The following ITSN2 variants were observed in gnomAD, a reference collection of about 807,000 sequenced individuals.
The protein encoded by ITSN2 is intersectin-2.
ITSN2 carries 156 observed loss-of-function variants against 243.7 expected under a neutral mutation model. The ratio of observed to expected loss-of-function variants is 0.64; its 90% confidence interval spans 0.56 to 0.73. The LOEUF is 0.73. Ranked by LOEUF, ITSN2 falls within the 30% of genes least tolerant of loss-of-function variation. ITSN2 has a pLI of 0.00. For synonymous variants in ITSN2, 703 were observed against 699.9 expected (o/e 1.00, Z -0.07); for missense variants, 1,801 against 1,996.1 (o/e 0.90, Z 1.86).
chr2:24,209,070 C>T, intron 36 of ITSN2, 30 bp downstream of exon 36: 1 of 1,611,392 alleles, frequency 6.2e-7, no homozygotes, highest in Non-Finnish European at 8.5e-7. Flanking sequence ...TCCCAGAGTT[C>T]AAGGCAGGCC....
Position 24,248,900 on chromosome 2 carries a change from C to T in ITSN2, c.3121-18G>A, listed in dbSNP as rs375754280. On this transcript the variant is annotated intron_variant, in intron 25 of 39. Transcript: ENST00000355123. ...CCAAAACTCTACAAGGAAAAGATAC[C>T]GTGTTGTTTTATTATTTCCAACAAT... 193 of 1,610,738 alleles carry T rather than the reference C, an allele frequency of 1.2e-4. No individual in the cohort carries two copies. The African/African-American group carries it at 1.9e-3, about 16-fold the overall frequency.
chr2:24,245,724 C>G (rs1673278887), intron 29 of ITSN2, among the ~76,000 whole-genome samples: 1 of 152,132 alleles, frequency 6.6e-6, no homozygotes, highest in Non-Finnish European at 1.5e-5. Flanking sequence ...AGGGATCCTG[C>G]GTGCCTTGGC....
At chr2:24,324,310 G>A (rs952495029) in intron 2 of ITSN2, among the ~76,000 whole-genome samples, 66 of 151,528 alleles carry the variant, frequency 4.4e-4, no homozygotes, top group African/African-American at 1.3e-3. Context: ...ATATACCCCC[G>A]GGCAGTGATG....
chr2:24,308,484 C>G (rs1028877528), intron 8 of ITSN2, 133 bp downstream of exon 8: 1 of 507,440 alleles, frequency 2.0e-6, no homozygotes, highest in Non-Finnish European at 3.3e-6. Flanking sequence ...TTGTATTTAT[C>G]AAATGCCTGC....
At chr2:24,303,650 A>C in intron 9 of ITSN2, 149 bp downstream of exon 9, 1 of 622,936 alleles carries the variant, frequency 1.6e-6, no homozygotes, top group South Asian at 2.0e-5. Context: ...CTCCAAGCTT[A>C]ATACTAACTT....
At chr2:24,314,031 A>G (rs1683604377) in intron 3 of ITSN2, among the ~76,000 whole-genome samples, 1 of 152,190 alleles carries the variant, frequency 6.6e-6, no homozygotes, top group Non-Finnish European at 1.5e-5. Flanking sequence ...TCCCACTGAG[A>G]CAAGGGACAA....
chr2:24,209,143 T>C lies in ITSN2; in HGVS notation c.4552A>G (p.Ile1518Val). ...GTTCGGAGGGTGTAGACCCGATCAATGTGGGAAATGTGGAAGACAGGCTCA... is the reference window on the plus strand; with the variant it reads ...GTTCGGAGGGTGTAGACCCGATCAACGTGGGAAATGTGGAAGACAGGCTCA... Reference protein sequence around the residue: ...SDEPVFHISHIDRVYTLRTDN... With the variant: ...SDEPVFHISHVDRVYTLRTDN... Residue 1518 changes from isoleucine to valine, a missense_variant, in exon 36 of 40, where the codon ATT (isoleucine) becomes GTT (valine). Ile to Val is a conservative substitution (Grantham distance 29). Around this residue, in one of 5 missense-constraint regions of ITSN2, gnomAD observed 928 missense variants for 1,065.4 expected, o/e 0.87. Transcript: ENST00000355123. 1 of 1,614,020 alleles carries C rather than the reference T, an allele frequency of 6.2e-7. No homozygotes were observed.
chr2:24,336,554 C>T (rs1686399484), intron 1 of ITSN2, among the ~76,000 whole-genome samples: 1 of 152,140 alleles, frequency 6.6e-6, no homozygotes, highest in Non-Finnish European at 1.5e-5. Context: ...GAAACAGTAA[C>T]TTTTGTTCTC....
chr2:24,267,059 A>T (rs1222477143), intron 20 of ITSN2, among the ~76,000 whole-genome samples: 1 of 152,228 alleles, frequency 6.6e-6, no homozygotes, highest in Non-Finnish European at 1.5e-5. Flanking sequence ...AATGCTCAGC[A>T]TTGTACCTGA....
intron 1 of ITSN2, chr2:24,334,550 G>C (rs1574350820): frequency 6.8e-6 from 6 of 888,376 alleles, no homozygotes; most frequent in Admixed American, 1.7e-5. Context: ...CTTTCTGTAA[G>C]AAGTGTGGCA....
intron 17 of ITSN2, among the ~76,000 whole-genome samples, chr2:24,279,661 C>T (rs1209003407): frequency 6.6e-6 from 1 of 150,790 alleles, no homozygotes; most frequent in East Asian, 1.9e-4. Flanking sequence ...GACTAGAGTT[C>T]ACTTTTTTAG....
chr2:24,350,226 T>C (rs940659731), intron 1 of ITSN2, among the ~76,000 whole-genome samples: 1 of 152,160 alleles, frequency 6.6e-6, no homozygotes, highest in African/African-American at 2.4e-5. Flanking sequence ...AGGAAAAGCT[T>C]CTGATCTAGT....
Position 24,300,064 on chromosome 2 carries a change from C to CT in ITSN2, c.1188dup (p.Ala397SerfsTer25). 6.2e-7 allele frequency: 1 copy of CT among 1,614,088 alleles called. No individual in the cohort carries two copies. Among genetic ancestry groups the CT allele is most frequent in the Non-Finnish European group, 8.5e-7 (1 of 1,180,022 alleles). ...TCCCACTCTTCCTTTTCTTTCTGGG[C>CT]TTTACGTTCTGCCTCCCTTTGTTGC... On this transcript the variant is annotated frameshift_variant, in exon 12 of 40. Transcript: ENST00000355123. LOFTEE classifies it high-confidence loss of function.
chr2:24,282,527 AG>A (rs1257879435), intron 17 of ITSN2, among the ~76,000 whole-genome samples: 1 of 152,202 alleles, frequency 6.6e-6, no homozygotes, highest in African/African-American at 2.4e-5. Context: ...CCTTGTGATA[AG>A]GAAGGGGGTC....
At chr2:24,213,719 A>G (rs1288760833) in intron 32 of ITSN2, among the ~76,000 whole-genome samples, 1 of 152,130 alleles carries the variant, frequency 6.6e-6, no homozygotes, top group Non-Finnish European at 1.5e-5. Flanking sequence ...TTACATCATT[A>G]TTTTAAAACA....
At chr2:24,214,159 G>A (rs1275128226) in intron 32 of ITSN2, among the ~76,000 whole-genome samples, 1 of 152,182 alleles carries the variant, frequency 6.6e-6, no homozygotes, top group Non-Finnish European at 1.5e-5. Context: ...ATTTGGTTAT[G>A]ATAGGCTCTT....
intron 15 of ITSN2, among the ~76,000 whole-genome samples, chr2:24,288,622 C>G (rs2891382): frequency 0.21 from 31,556 of 151,956 alleles, 3,539 homozygotes; most frequent in Non-Finnish European, 0.26. Context: ...TGGCTAAATT[C>G]AGCTAATTAA....
Position 24,302,108 on chromosome 2 carries a change from G to A in ITSN2, c.858-6C>T, listed in dbSNP as rs1681839304. ...CATCAACGTCAGCCAGAGTCCTAAA[G>A]AAAATGTTAAAATTCACAACTTAAT... On this transcript the variant is annotated splice_region_variant and splice_polypyrimidine_tract_variant and intron_variant, in intron 9 of 39. Transcript: ENST00000355123. 8 of 1,591,848 alleles carry A rather than the reference G, an allele frequency of 5.0e-6. No individual in the cohort carries two copies. In the East Asian group the frequency reaches 1.9e-4, roughly 37 times the overall value.
In ITSN2 at chr2:24,209,203, C is replaced by T. The variant is rs768582464; in HGVS notation, c.4492G>A (p.Val1498Ile). 1.1e-5 allele frequency: 17 copies of T among 1,614,096 alleles called. No individual in the cohort carries two copies. The highest frequency in any genetic ancestry group is 1.4e-5 in the Non-Finnish European group (17 of 1,179,992). ...GGGTCTGTGGGCAGTTTCACCAAGA[C>T]TTCATTCAGGAAAATGGGCTGAAAG... ...MYKTPIFLNE[V>I]LVKLPTDPSS... is the part of the protein sequence containing the mutation. The change falls in exon 36 of 40, where the codon GTC becomes ATC. Residue 1498 changes from valine (V) to isoleucine (I), a missense_variant. This residue lies in a region of ITSN2 where 928 missense variants were observed against 1,065.4 expected (regional missense o/e 0.87). Coordinates refer to ENST00000355123, the MANE Select transcript of ITSN2 (RefSeq NM_006277.3).
Sources: gnomAD v4.1 joint callset for allele counts (sites outside exome capture counted in the v4.1 genomes callset) on GRCh38, gnomAD v4.1.1 for gene constraint, gnomAD v4.1.1 regional missense constraint, MANE v1.5 for transcripts, NCBI Gene and HGNC (gene_info 2026-07-23, HGNC 2026-07-21) for gene names.